The following IL1RAP variants were observed in gnomAD, a reference collection of about 807,000 sequenced individuals.
The protein encoded by IL1RAP is interleukin 1 receptor accessory protein, also known as interleukin-1 receptor accessory protein.
A neutral mutation model predicts 60.7 loss-of-function variants in IL1RAP; 35 were observed. That is an observed-to-expected ratio of 0.58 (90% CI 0.44 to 0.76). The LOEUF is 0.76. Ranked by LOEUF, IL1RAP falls within the 30% of genes least tolerant of loss-of-function variation. IL1RAP has a pLI of 0.00. For synonymous variants in IL1RAP, 268 were observed against 250.9 expected, an observed-to-expected ratio of 1.07 and a Z score of -0.64; for missense variants, 572 against 693.9, an observed-to-expected ratio of 0.82 and a Z score of 1.97.
At chr3:190,641,583 C>T (rs1733665278) in intron 9 of IL1RAP, among the ~76,000 whole-genome samples, 1 of 151,906 alleles carries the variant, frequency 6.6e-6, no homozygotes, top group Admixed American at 6.6e-5. Context: ...ATTAAAATGC[C>T]CCATTAGAAA....
chr3:190,550,272 AC>A (rs1724752064), intron 1 of IL1RAP: 1 of 152,230 alleles, frequency 6.6e-6, no homozygotes, highest in African/African-American at 2.4e-5. Flanking sequence ...AGCCATTCTC[AC>A]CTCAACTGTG....
chr3:190,635,987 T>A (rs1055439795), intron 9 of IL1RAP, among the ~76,000 whole-genome samples: 1 of 152,158 alleles, frequency 6.6e-6, no homozygotes, highest in African/African-American at 2.4e-5. Context: ...ACCGAGGGAA[T>A]GGGGAATGAG....
At chr3:190,543,451 G>A (rs1381603111) in intron 1 of IL1RAP, among the ~76,000 whole-genome samples, 3 of 152,092 alleles carry the variant, frequency 2.0e-5, no homozygotes, top group African/African-American at 7.2e-5. Context: ...TCTTAAGAGA[G>A]AAGACATACA....
intron 1 of IL1RAP, among the ~76,000 whole-genome samples, chr3:190,548,752 G>T (rs1416251944): frequency 6.6e-6 from 1 of 152,230 alleles, no homozygotes; most frequent in African/African-American, 2.4e-5. Flanking sequence ...AGAGACTCTG[G>T]AGAAGCTGCA....
At chr3:190,627,194 A>G (rs1732363915) in intron 7 of IL1RAP, 129 bp from the exon 8 acceptor site, 2 of 714,246 alleles carry the variant, frequency 2.8e-6, no homozygotes, top group South Asian at 2.0e-5. Context: ...GATTAGCCAG[A>G]GAGTAGAACC....
At position 190,550,912 on chromosome 3, in the gene IL1RAP, A is replaced by T. The variant is rs557035856; in HGVS notation, c.-88-5218A>T. ...CTGACTTGTTTGCAAAATAGACTTT[A>T]GTCTTATATTTGGCCTGATTATTTG... On this transcript the variant is annotated intron_variant, in intron 1 of 11. Coordinates refer to ENST00000447382, the MANE Select transcript of IL1RAP (RefSeq NM_002182.4). Among the ~76,000 whole-genome samples the T allele has an allele frequency of 9.2e-5, 14 of 152,342 alleles. No individual in the cohort carries two copies. In the South Asian group the frequency reaches 2.7e-3, roughly 29 times the overall value.
chr3:190,598,450 G>C (rs1016930331), intron 3 of IL1RAP, among the ~76,000 whole-genome samples: 2 of 151,630 alleles, frequency 1.3e-5, no homozygotes, highest in Non-Finnish European at 2.9e-5. Context: ...TGATAAGGAT[G>C]GTTTGACATA....
chr3:190,546,020 G>GC (rs759750945), intron 1 of IL1RAP, among the ~76,000 whole-genome samples: 47 of 152,050 alleles, frequency 3.1e-4, no homozygotes, highest in Non-Finnish European at 5.7e-4. Context: ...ATGACCTATC[G>GC]ATGCCTGTAG....
Position 190,604,298 on chromosome 3 carries a change from C to G in IL1RAP, c.235C>G (p.Leu79Val). 1.2e-6 allele frequency: 2 copies of G among 1,613,966 alleles called. No individual in the cohort carries two copies. The highest frequency in any genetic ancestry group is 1.7e-6 in the Non-Finnish European group (2 of 1,179,986). The change falls in exon 4 of 12, where the codon CTT becomes GTT. Residue 79 changes from leucine (L) to valine (V), a missense_variant. Transcript: ENST00000447382. ...IWYWTRQDRD[L>V]EEPINFRLPE... is the part of the protein sequence containing the mutation. ...GTATTGGACTAGGCAGGACCGGGAC[C>G]TTGAGGAGCCAATTAACTTCCGCCT...
At chr3:190,623,042 A>C (rs1378477781) in intron 6 of IL1RAP, among the ~76,000 whole-genome samples, 1 of 152,196 alleles carries the variant, frequency 6.6e-6, no homozygotes, top group Admixed American at 6.5e-5. Context: ...GGAATTTGGG[A>C]CTAGAACAAT....
At chr3:190,629,863 C>T (rs1732635154) in intron 9 of IL1RAP, 2 of 985,748 alleles carry the variant, frequency 2.0e-6, no homozygotes, top group Non-Finnish European at 2.4e-6. Context: ...ATTATTAAGA[C>T]CCTTTTAAAA....
At chr3:190,598,597 T>A (rs888416533) in intron 3 of IL1RAP, among the ~76,000 whole-genome samples, 2 of 152,044 alleles carry the variant, frequency 1.3e-5, no homozygotes, top group Non-Finnish European at 2.9e-5. Context: ...TTAAAAAAAA[T>A]CAAAATAATT....
intron 10 of IL1RAP, among the ~76,000 whole-genome samples, chr3:190,645,240 G>A (rs1213644181): frequency 2.0e-5 from 3 of 152,166 alleles, no homozygotes; most frequent in South Asian, 2.1e-4. Context: ...AAGCAACTTC[G>A]TGAAAGATTG....
chr3:190,640,535 T>A (rs189901402), intron 9 of IL1RAP, among the ~76,000 whole-genome samples: 38 of 152,298 alleles, frequency 2.5e-4, no homozygotes, highest in South Asian at 1.7e-3. Flanking sequence ...GTTCCAAAAA[T>A]TATCCATCAG....
At chr3:190,652,678 C>T (rs1467257790), downstream of IL1RAP, among the ~76,000 whole-genome samples, 1 of 152,148 alleles carries the variant, frequency 6.6e-6, no homozygotes, top group Non-Finnish European at 1.5e-5. Flanking sequence ...ATGGAATTCA[C>T]TATCTTTGGA....
exon 12 of IL1RAP, chr3:190,659,491 C>T (rs1285394461): frequency 6.6e-6 from 1 of 152,112 alleles, no homozygotes; most frequent in Admixed American, 6.6e-5. Context: ...ATGTGATGTT[C>T]AGTACCATAC....
intron 3 of IL1RAP, among the ~76,000 whole-genome samples, chr3:190,589,679 A>C (rs1457357324): frequency 1.3e-5 from 2 of 152,196 alleles, no homozygotes; most frequent in African/African-American, 2.4e-5. Context: ...TTGGCTGCAC[A>C]TCTTGAGGCG....
chr3:190,532,261 C>CT lies in IL1RAP; in HGVS notation c.-89+18061dup, dbSNP rs370264409. 3.2e-3 allele frequency among the ~76,000 whole-genome samples: 409 copies of CT among 128,268 alleles called. 1 individual carries two copies. The highest frequency in any genetic ancestry group is 4.1e-3 in the Middle Eastern group (1 of 242). The allele number at this position is 128,268 out of a possible 152,430, so 84.1% of individuals were successfully genotyped here. A position where few individuals can be genotyped will look rare whatever the true frequency, so the allele number is the denominator to read the frequency against. On this transcript the variant is annotated intron_variant, in intron 1 of 11. Coordinates refer to ENST00000447382, the MANE Select transcript of IL1RAP (RefSeq NM_002182.4). ...AAAATTACCTCATATAATCATCTTT[C>CT]TTTTTTTTTTTTTTTTTTTGAGATG... is the stretch of plus-strand genomic sequence containing the variant.
intron 1 of IL1RAP, among the ~76,000 whole-genome samples, chr3:190,519,325 A>G (rs1560133007): frequency 6.6e-6 from 1 of 152,234 alleles, no homozygotes; most frequent in Non-Finnish European, 1.5e-5. Flanking sequence ...AACAAAGATG[A>G]GCAAGAGAAA....
Sources: gnomAD v4.1 joint callset for allele counts (sites outside exome capture counted in the v4.1 genomes callset) on GRCh38, gnomAD v4.1.1 for gene constraint, MANE v1.5 for transcripts, NCBI Gene and HGNC (gene_info 2026-07-23, HGNC 2026-07-21) for gene names.